SUGP1: variants seen among roughly 807,000 people sequenced by gnomAD.
SUGP1 encodes SURP and G-patch domain-containing protein 1.
A neutral mutation model predicts 76.5 loss-of-function variants in SUGP1; 34 were observed. That is an observed-to-expected ratio of 0.44 (90% CI 0.34 to 0.59). The LOEUF is 0.59. SUGP1 is among the 20% of genes least tolerant of loss of function. The pLI, the probability that SUGP1 is intolerant of heterozygous loss-of-function variation, is 0.01. For missense variants in SUGP1, 752 were observed against 851.7 expected, an observed-to-expected ratio of 0.88 and a Z score of 1.46; for synonymous variants, 326 against 326.2, an observed-to-expected ratio of 1.00 and a Z score of 0.01.
At position 19,303,873 on chromosome 19, in the gene SUGP1, G is replaced by A. The variant is rs752179628; in HGVS notation, c.539-26C>T. ...CTTTAAGGAGGCTGTCAGTACTGGG[G>A]TTCAACTCACACACCCCACAGTCAA... On this transcript the variant is annotated intron_variant, in intron 4 of 13. Coordinates refer to ENST00000247001, the MANE Select transcript of SUGP1 (RefSeq NM_172231.4). The A allele has an allele frequency of 5.0e-6, 8 of 1,613,138 alleles. No individual in the cohort carries two copies. The African/African-American group carries it at 1.1e-4, about 22-fold the overall frequency.
At position 19,280,490 on chromosome 19, in the gene SUGP1, AC is replaced by A; in HGVS notation, c.1244-200del. 5.2e-6 allele frequency: 3 copies of A among 577,604 alleles called. No homozygotes were observed. In the East Asian group the frequency reaches 8.6e-5, roughly 16 times the overall value. 35.8% of individuals were successfully genotyped at this position (577,604 alleles called of 1,614,324 possible). On this transcript the variant is annotated intron_variant, in intron 8 of 13. Coordinates refer to ENST00000247001, the MANE Select transcript of SUGP1 (RefSeq NM_172231.4). ...GCTGCCACGTGCACCCCCGCATCTT[AC>A]GTCCTTGTGACCTCTCCAGCCAGGC...
At chr19:19,279,799 T>C (rs541084857) in intron 9 of SUGP1, among the ~76,000 whole-genome samples, 4 of 152,326 alleles carry the variant, frequency 2.6e-5, no homozygotes, top group South Asian at 2.1e-4. Context: ...TGCCCTGTGC[T>C]GACCAGGATG....
chr19:19,313,027 AAAAC>A (rs946990184), intron 2 of SUGP1, among the ~76,000 whole-genome samples: 139 of 151,960 alleles, frequency 9.1e-4, no homozygotes, highest in Non-Finnish European at 1.5e-3. Flanking sequence ...TAAATAAAAA[AAAAC>A]AAAAGGACAG....
chr19:19,308,716 T>G (rs558513678), intron 3 of SUGP1, among the ~76,000 whole-genome samples: 2 of 152,236 alleles, frequency 1.3e-5, no homozygotes, highest in Non-Finnish European at 2.9e-5. Flanking sequence ...CTGACCCAGC[T>G]TGGGGATGCC....
intron 5 of SUGP1, 39 bp from the exon 6 acceptor site, chr19:19,303,487 AGTATC>A: frequency 6.4e-7 from 1 of 1,567,538 alleles, no homozygotes; most frequent in South Asian, 1.1e-5. Flanking sequence ...GGGGAAAATA[AGTATC>A]TGTGACAGGC....
At chr19:19,304,615 A>G (rs558217843) in intron 4 of SUGP1, among the ~76,000 whole-genome samples, 2 of 152,302 alleles carry the variant, frequency 1.3e-5, no homozygotes, top group South Asian at 2.1e-4. Context: ...GCCATGTGGA[A>G]CTTGCTTTTG....
At chr19:19,277,613 G>A (rs1225095855) in intron 12 of SUGP1, 121 bp downstream of exon 12, 11 of 1,299,678 alleles carry the variant, frequency 8.5e-6, no homozygotes, top group Middle Eastern at 2.6e-4. Flanking sequence ...GTGCAGTGGG[G>A]TGCTGTGATC....
In SUGP1 at chr19:19,278,391, C is replaced by T. The variant is rs574041518; in HGVS notation, c.1635+299G>A. 1.4e-3 allele frequency among the ~76,000 whole-genome samples: 216 copies of T among 152,284 alleles called. 3 individuals are homozygous for T. Among genetic ancestry groups the T allele is most frequent in the Non-Finnish European group, 4.9e-4 (33 of 68,022 alleles). On this transcript the variant is annotated intron_variant, in intron 11 of 13. Transcript: ENST00000247001. ...AACTCTGGTTCTGGAGAGGCCAGTC[C>T]GTGGGGACTTCTGCCGGAGAAACAC...
chr19:19,293,869 T>C (rs953555683), intron 8 of SUGP1, among the ~76,000 whole-genome samples: 21 of 152,080 alleles, frequency 1.4e-4, no homozygotes, highest in Non-Finnish European at 1.5e-5. Flanking sequence ...TAACACAAAC[T>C]TAAATGTGGA....
chr19:19,281,668 C>G (rs1301234752), intron 8 of SUGP1, among the ~76,000 whole-genome samples: 1 of 152,232 alleles, frequency 6.6e-6, no homozygotes, highest in Non-Finnish European at 1.5e-5. Flanking sequence ...ACGTCGGACT[C>G]CTCCATGCAC....
chr19:19,286,736 A>T (rs1238928331), intron 8 of SUGP1, among the ~76,000 whole-genome samples: 1 of 152,084 alleles, frequency 6.6e-6, no homozygotes, highest in Non-Finnish European at 1.5e-5. Context: ...AATAAAAATT[A>T]AATAAAAATT....
chr19:19,276,081 G>A lies in SUGP1; in HGVS notation c.*567C>T, dbSNP rs2061047553. 6.4e-6 allele frequency: 1 copy of A among 155,428 alleles called. No homozygotes were observed. Among genetic ancestry groups the A allele is most frequent in the African/African-American group, 2.4e-5 (1 of 41,438 alleles). 9.6% of individuals were successfully genotyped at this position (155,428 alleles called of 1,614,324 possible). On this transcript the variant is annotated 3_prime_UTR_variant, in exon 14 of 14. Coordinates refer to ENST00000247001, the MANE Select transcript of SUGP1 (RefSeq NM_172231.4). ...TATTATTATTATTATTTGAGACAGA[G>A]TCTTGCTCTCTTGCCCAGGCTGGAG...
At position 19,309,781 on chromosome 19, in the gene SUGP1, G is replaced by A. The variant is rs180868320; in HGVS notation, c.310+316C>T. Among the ~76,000 whole-genome samples the A allele has an allele frequency of 9.6e-3, 1,464 of 152,210 alleles. 11 individuals carry two copies. Among genetic ancestry groups the A allele is most frequent in the Non-Finnish European group, 0.014 (926 of 68,010 alleles). ...TAAAAAATTAGCCGGGCGTGGTGGC[G>A]GGCGTCTGTAGTCCCAGGTACTCAG... is the stretch of plus-strand genomic sequence containing the variant. On this transcript the variant is annotated intron_variant, in intron 3 of 13. Transcript: ENST00000247001.
intron 11 of SUGP1, 79 bp from the exon 12 acceptor site, chr19:19,277,958 T>G: frequency 1.3e-6 from 2 of 1,566,054 alleles, no homozygotes; most frequent in South Asian, 2.3e-5. Context: ...TGCCTTTGGT[T>G]TCAATCAGTG....
At chr19:19,306,792 G>C (rs914331084) in intron 3 of SUGP1, among the ~76,000 whole-genome samples, 2 of 152,198 alleles carry the variant, frequency 1.3e-5, no homozygotes, top group African/African-American at 4.8e-5. Flanking sequence ...GGAATCCCCT[G>C]GGGCACTGAC....
At chr19:19,279,440 G>A (rs770603757) in intron 9 of SUGP1, 50 bp from the exon 10 acceptor site, 17 of 1,517,210 alleles carry the variant, frequency 1.1e-5, no homozygotes, top group Admixed American at 9.6e-5. Flanking sequence ...GTGGCCTGCC[G>A]GAGCCCCGCT....
At chr19:19,313,414 T>TA (rs1201853023) in intron 2 of SUGP1, among the ~76,000 whole-genome samples, 1 of 151,882 alleles carries the variant, frequency 6.6e-6, no homozygotes, top group Non-Finnish European at 1.5e-5. Context: ...AAAAAATTGT[T>TA]AGACAAACAC....
intron 3 of SUGP1, among the ~76,000 whole-genome samples, chr19:19,308,575 C>T (rs546743219): frequency 1.1e-4 from 17 of 152,384 alleles, no homozygotes; most frequent in African/African-American, 4.1e-4. Flanking sequence ...TGCGTGCCCA[C>T]CCGGCACCTC....
chr19:19,297,400 A>ATTTTGGGCAGGAGCAGTTCTGGCC, intron 7 of SUGP1, 56 bp from the exon 8 acceptor site: 1 of 1,349,530 alleles, frequency 7.4e-7, no homozygotes, highest in Non-Finnish European at 1.0e-6. Flanking sequence ...CCTGTCCCTG[A>ATTTTGGGCAGGAGCAGTTCTGGCC]TTCTGGGCAG....
Sources: gnomAD v4.1 joint callset for allele counts (sites outside exome capture counted in the v4.1 genomes callset) on GRCh38, gnomAD v4.1.1 for gene constraint, MANE v1.5 for transcripts, NCBI Gene and HGNC (gene_info 2026-07-23, HGNC 2026-07-21) for gene names.